EXOC6B: variants seen among roughly 807,000 people sequenced by gnomAD.
The protein encoded by EXOC6B is exocyst complex component 6B.
In EXOC6B, 54 loss-of-function variants were observed where a neutral mutation model predicts 113.5. The observed-to-expected ratio is 0.48, with a 90% CI of 0.38 to 0.60. The LOEUF (loss-of-function observed/expected upper bound fraction) is 0.60, where lower values mean the gene tolerates loss of function less well. EXOC6B is among the 20% of genes least tolerant of loss of function. The pLI, the probability that EXOC6B is intolerant of heterozygous loss-of-function variation, is 0.00. For synonymous variants in EXOC6B, 357 were observed against 339.0 expected (o/e 1.05, Z -0.58); for missense variants, 797 against 977.5 (o/e 0.82, Z 2.46).
At chr2:72,185,673 G>A (rs1678376619) in intron 20 of EXOC6B, among the ~76,000 whole-genome samples, 1 of 151,672 alleles carries the variant, frequency 6.6e-6, no homozygotes, top group African/African-American at 2.4e-5. Context: ...TTGACCCAAG[G>A]CCTCAGAGAG....
chr2:72,369,141 C>T (rs374533528), intron 19 of EXOC6B, among the ~76,000 whole-genome samples: 3 of 152,144 alleles, frequency 2.0e-5, no homozygotes, highest in African/African-American at 7.2e-5. Context: ...AAAATCTCCT[C>T]AAGCTGATAA....
chr2:72,577,672 CATATA>C (rs1314723988), intron 6 of EXOC6B, among the ~76,000 whole-genome samples: 1 of 151,244 alleles, frequency 6.6e-6, no homozygotes, highest in East Asian at 1.9e-4. Flanking sequence ...TATATAAATA[CATATA>C]ATATATATTA....
chr2:72,750,061 TACACACACACAAAC>T (rs897660480), intron 1 of EXOC6B, among the ~76,000 whole-genome samples: 1 of 151,030 alleles, frequency 6.6e-6, no homozygotes, highest in Admixed American at 6.6e-5. Flanking sequence ...CACACATACC[TACACACACACAAAC>T]ACACACACAC....
chr2:72,217,715 G>A (rs976656657), intron 20 of EXOC6B, among the ~76,000 whole-genome samples: 1 of 152,160 alleles, frequency 6.6e-6, no homozygotes, highest in African/African-American at 2.4e-5. Flanking sequence ...GGATGACTGA[G>A]GGCTTCCTTC....
intron 20 of EXOC6B, among the ~76,000 whole-genome samples, chr2:72,317,839 C>T (rs964962388): frequency 4.6e-5 from 7 of 152,090 alleles, no homozygotes; most frequent in African/African-American, 1.4e-4. Context: ...ACTATAGTAG[C>T]TTATGAGAGG....
chr2:72,401,582 CAT>C (rs1197072759), intron 18 of EXOC6B, among the ~76,000 whole-genome samples: 3,796 of 18,248 alleles, frequency 0.21, 638 homozygotes, highest in South Asian at 0.26. Context: ...TATATATATA[CAT>C]ATATATATAT....
At chr2:72,387,135 G>A (rs1174443081) in intron 18 of EXOC6B, among the ~76,000 whole-genome samples, 1 of 152,134 alleles carries the variant, frequency 6.6e-6, no homozygotes, top group Non-Finnish European at 1.5e-5. Context: ...ATATTAAGAT[G>A]AGCACATGGA....
intron 6 of EXOC6B, among the ~76,000 whole-genome samples, chr2:72,628,050 G>A (rs1672167488): frequency 1.3e-5 from 2 of 152,136 alleles, no homozygotes; most frequent in Non-Finnish European, 2.9e-5. Context: ...ATTTTAAACA[G>A]TATTTTATAA....
chr2:72,521,660 G>C (rs1701493931), intron 8 of EXOC6B, among the ~76,000 whole-genome samples: 2 of 152,142 alleles, frequency 1.3e-5, no homozygotes, highest in South Asian at 4.1e-4. Context: ...ATTTTGGTAA[G>C]AGTTAAGAAA....
At chr2:72,336,097 G>A (rs991569578) in intron 19 of EXOC6B, among the ~76,000 whole-genome samples, 2 of 152,020 alleles carry the variant, frequency 1.3e-5, no homozygotes, top group African/African-American at 4.8e-5. Context: ...TATGAAGCCC[G>A]TGGCCAATCT....
intron 17 of EXOC6B, among the ~76,000 whole-genome samples, chr2:72,471,607 A>T (rs570065303): frequency 2.0e-4 from 30 of 151,914 alleles, no homozygotes; most frequent in Non-Finnish European, 4.0e-4. Context: ...GTCTAGATGG[A>T]GCCTTTTAGT....
chr2:72,443,960 T>C (rs1353167428), intron 18 of EXOC6B, among the ~76,000 whole-genome samples: 1 of 151,988 alleles, frequency 6.6e-6, no homozygotes, highest in Non-Finnish European at 1.5e-5. Context: ...TTCCCAACAG[T>C]CCCCCAAAGT....
At chr2:72,421,749 C>T (rs1256751166) in intron 18 of EXOC6B, among the ~76,000 whole-genome samples, 3 of 152,242 alleles carry the variant, frequency 2.0e-5, no homozygotes, top group Admixed American at 6.5e-5. Flanking sequence ...CCCTTCGGCC[C>T]GCCGCTGCAC....
intron 20 of EXOC6B, among the ~76,000 whole-genome samples, chr2:72,327,137 T>A (rs1688170365): frequency 6.6e-6 from 1 of 152,038 alleles, no homozygotes; most frequent in African/African-American, 2.4e-5. Flanking sequence ...AGCTAGCATT[T>A]CCAGACACAC....
At chr2:72,821,300 C>A (rs1266850771) in intron 1 of EXOC6B, among the ~76,000 whole-genome samples, 3 of 152,062 alleles carry the variant, frequency 2.0e-5, no homozygotes, top group East Asian at 3.9e-4. Flanking sequence ...ACAAGGATGG[C>A]AAAGTAAAAA....
At chr2:72,747,144 C>T (rs1429072297) in intron 1 of EXOC6B, among the ~76,000 whole-genome samples, 3 of 152,016 alleles carry the variant, frequency 2.0e-5, no homozygotes, top group African/African-American at 4.8e-5. Flanking sequence ...TCTTCTTCCT[C>T]CTATTGGAAG....
intron 17 of EXOC6B, among the ~76,000 whole-genome samples, chr2:72,478,966 G>A (rs975263477): frequency 2.0e-5 from 3 of 152,114 alleles, no homozygotes; most frequent in African/African-American, 7.2e-5. Flanking sequence ...CCATAATAAT[G>A]CTAGTATTTG....
intron 8 of EXOC6B, among the ~76,000 whole-genome samples, chr2:72,551,230 C>A (rs1488987622): frequency 6.6e-6 from 1 of 152,172 alleles, no homozygotes; most frequent in African/African-American, 2.4e-5. Context: ...CGGAGTCTCG[C>A]TCTGTCACCC....
intron 18 of EXOC6B, among the ~76,000 whole-genome samples, chr2:72,420,781 T>A (rs1374412883): frequency 6.6e-6 from 1 of 152,212 alleles, no homozygotes; most frequent in Non-Finnish European, 1.5e-5. Flanking sequence ...CAAATGGTAT[T>A]TCTAGTTCTA....
Sources: gnomAD v4.1 joint callset for allele counts (sites outside exome capture counted in the v4.1 genomes callset) on GRCh38, gnomAD v4.1.1 for gene constraint, MANE v1.5 for transcripts, NCBI Gene and HGNC (gene_info 2026-07-23, HGNC 2026-07-21) for gene names.